Variants in SMYD3 observed in about 807,000 individuals in gnomAD.
SMYD3 encodes SET and MYND domain containing 3.
In SMYD3, 36 loss-of-function variants were observed where a neutral mutation model predicts 57.7. The ratio of observed to expected loss-of-function variants is 0.62; its 90% CI spans 0.48 to 0.82. The LOEUF (loss-of-function observed/expected upper bound fraction) is 0.82. Among genes scored for constraint, SMYD3 ranks in the 40% least tolerant of loss-of-function variants. The pLI is 0.00. For synonymous variants in SMYD3, 211 were observed against 195.0 expected (o/e 1.08, Z -0.68); for missense variants, 515 against 538.8 (o/e 0.96, Z 0.44).
At chr1:245,914,193 AT>A (rs1462496637) in intron 8 of SMYD3, among the ~76,000 whole-genome samples, 1 of 152,240 alleles carries the variant, frequency 6.6e-6, no homozygotes, top group Non-Finnish European at 1.5e-5. Flanking sequence ...TAGTATAGCC[AT>A]TATGGAAAAC....
intron 5 of SMYD3, among the ~76,000 whole-genome samples, chr1:246,208,706 T>C (rs1352323761): frequency 1.3e-5 from 2 of 152,122 alleles, no homozygotes; most frequent in Admixed American, 6.5e-5. Flanking sequence ...TAAAAATGCG[T>C]GACTATTTAC....
intron 11 of SMYD3, among the ~76,000 whole-genome samples, chr1:245,762,379 A>C (rs1311022540): frequency 3.3e-5 from 5 of 152,192 alleles, no homozygotes; most frequent in Admixed American, 3.3e-4. Context: ...ATCTACTTGC[A>C]GGTGACCCTG....
At chr1:246,015,941 A>C (rs1328638071) in intron 5 of SMYD3, among the ~76,000 whole-genome samples, 1 of 152,164 alleles carries the variant, frequency 6.6e-6, no homozygotes, top group Non-Finnish European at 1.5e-5. Context: ...TGGATCATAT[A>C]ATAATTTTAT....
At position 246,146,602 on chromosome 1, in the gene SMYD3, C is replaced by A. The variant is rs552529365; in HGVS notation, c.531+180599G>T. Among the ~76,000 whole-genome samples, 13 of 152,198 alleles carry A rather than the reference C, an allele frequency of 8.5e-5. No homozygotes were observed. In the East Asian group the frequency reaches 2.3e-3, roughly 27 times the overall value. On this transcript the variant is annotated intron_variant, in intron 5 of 11. Coordinates refer to ENST00000490107, the MANE Select transcript of SMYD3 (RefSeq NM_001167740.2). ...GCATAAAAGACTAACAGAAGACCGT[C>A]CTGGGGGTGAGTTTTGAGGAAGACA...
chr1:246,469,329 T>C (rs1308911601), intron 1 of SMYD3, among the ~76,000 whole-genome samples: 1 of 152,228 alleles, frequency 6.6e-6, no homozygotes, highest in Non-Finnish European at 1.5e-5. Context: ...TAAATCTTAC[T>C]ACCTAGCAGT....
intron 5 of SMYD3, among the ~76,000 whole-genome samples, chr1:246,189,776 T>C (rs1316564610): frequency 6.6e-6 from 1 of 152,170 alleles, no homozygotes; most frequent in Non-Finnish European, 1.5e-5. Flanking sequence ...TTTTAAGACA[T>C]ATTGAAACTC....
intron 5 of SMYD3, among the ~76,000 whole-genome samples, chr1:246,269,744 A>C (rs2064183234): frequency 6.6e-6 from 1 of 151,858 alleles, no homozygotes; most frequent in South Asian, 2.1e-4. Flanking sequence ...TTTTAAAAAA[A>C]ATCTTTTTTG....
intron 5 of SMYD3, among the ~76,000 whole-genome samples, chr1:245,995,677 T>C (rs574541027): frequency 6.6e-6 from 1 of 152,246 alleles, no homozygotes; most frequent in East Asian, 1.9e-4. Flanking sequence ...GGGGAGAGAC[T>C]AATGCAGCCT....
At chr1:246,493,857 T>C (rs2068312976) in intron 1 of SMYD3, among the ~76,000 whole-genome samples, 1 of 126,008 alleles carries the variant, frequency 7.9e-6, no homozygotes, top group South Asian at 2.6e-4. Flanking sequence ...ACTATTCCAA[T>C]AGTTCTAGCT....
intron 5 of SMYD3, among the ~76,000 whole-genome samples, chr1:246,168,296 G>T (rs2062257679): frequency 6.6e-6 from 1 of 152,124 alleles, no homozygotes; most frequent in South Asian, 2.1e-4. Flanking sequence ...CATAAGGATG[G>T]GAAAAATGCA....
intron 8 of SMYD3, among the ~76,000 whole-genome samples, chr1:245,884,050 T>C (rs1387041561): frequency 6.6e-6 from 1 of 152,170 alleles, no homozygotes; most frequent in Admixed American, 6.5e-5. Context: ...ACTTGAGGAT[T>C]AGGAAGCTTT....
chr1:245,952,075 A>T (rs1189289972), intron 5 of SMYD3, among the ~76,000 whole-genome samples: 1 of 152,140 alleles, frequency 6.6e-6, no homozygotes, highest in Non-Finnish European at 1.5e-5. Context: ...TGGAAAAAAA[A>T]TGTTATCAAT....
intron 1 of SMYD3, among the ~76,000 whole-genome samples, chr1:246,395,098 G>A (rs1287297846): frequency 6.6e-6 from 1 of 152,186 alleles, no homozygotes; most frequent in African/African-American, 2.4e-5. Flanking sequence ...TATGATATAA[G>A]AGAGGCAATT....
At chr1:245,811,990 C>T (rs2048496086) in intron 10 of SMYD3, among the ~76,000 whole-genome samples, 2 of 152,266 alleles carry the variant, frequency 1.3e-5, no homozygotes, top group Non-Finnish European at 2.9e-5. Flanking sequence ...AGAAGATGGT[C>T]CTCTTTCTTT....
intron 5 of SMYD3, among the ~76,000 whole-genome samples, chr1:246,225,993 AATGT>A (rs2063325016): frequency 1.3e-5 from 2 of 152,188 alleles, no homozygotes; most frequent in Admixed American, 6.5e-5. Flanking sequence ...AATGAAGGCC[AATGT>A]ATGATCTAGT....
intron 10 of SMYD3, among the ~76,000 whole-genome samples, chr1:245,855,396 C>T (rs2051190686): frequency 6.6e-6 from 1 of 152,106 alleles, no homozygotes; most frequent in Admixed American, 6.5e-5. Context: ...AGTCTGGAGA[C>T]ATCACCATAA....
At chr1:245,949,825 A>ACCCCCCCCCCCCCCCCC (rs376505931) in intron 5 of SMYD3, among the ~76,000 whole-genome samples, 33 of 93,272 alleles carry the variant, frequency 3.5e-4, no homozygotes, top group Admixed American at 6.5e-4. Context: ...AAAGAAACCC[A>ACCCCCCCCCCCCCCCCC]CCCCCCCCAC....
chr1:245,853,543 C>A (rs1317563642), intron 10 of SMYD3, among the ~76,000 whole-genome samples: 1 of 152,162 alleles, frequency 6.6e-6, no homozygotes, highest in East Asian at 1.9e-4. Flanking sequence ...CAGGTCTTCC[C>A]ACTATAACAT....
intron 5 of SMYD3, among the ~76,000 whole-genome samples, chr1:246,237,127 T>C (rs910677830): frequency 3.3e-5 from 5 of 152,144 alleles, no homozygotes; most frequent in African/African-American, 1.2e-4. Flanking sequence ...ATTCTTGTCA[T>C]AGAAACATGA....
Sources: gnomAD v4.1 joint callset for allele counts (sites outside exome capture counted in the v4.1 genomes callset) on GRCh38, gnomAD v4.1.1 for gene constraint, MANE v1.5 for transcripts, NCBI Gene and HGNC (gene_info 2026-07-23, HGNC 2026-07-21) for gene names.